Variants in TMPRSS11F observed in about 807,000 individuals in gnomAD.
The protein encoded by TMPRSS11F is transmembrane serine protease 11F, also known as transmembrane protease serine 11F.
In TMPRSS11F, 47 loss-of-function variants were observed where a neutral mutation model predicts 60.2. The observed-to-expected ratio is 0.78, with a 90% CI of 0.62 to 1.00. The LOEUF (loss-of-function observed/expected upper bound fraction) is 1.00. Ranked by LOEUF, TMPRSS11F falls within the 50% of genes least tolerant of loss-of-function variation. TMPRSS11F has a pLI of 0.00. For missense variants in TMPRSS11F, 519 were observed against 522.9 expected, an observed-to-expected ratio of 0.99 and a Z score of 0.07; for synonymous variants, 166 against 167.3, an observed-to-expected ratio of 0.99 and a Z score of 0.06.
In TMPRSS11F at chr4:68,064,184, T is replaced by C. The variant is rs137883878; in HGVS notation, c.1015+501A>G. 4.7e-3 allele frequency among the ~76,000 whole-genome samples: 709 copies of C among 150,676 alleles called. 8 individuals are homozygous for C. Among genetic ancestry groups the C allele is most frequent in the African/African-American group, 0.017 (688 of 40,452 alleles). On this transcript the variant is annotated intron_variant, in intron 8 of 9. Coordinates refer to ENST00000356291, the MANE Select transcript of TMPRSS11F (RefSeq NM_207407.2). ...GGAGATTTCTTTCTTTCTTTTCTTT[T>C]TTTTCTTTTTTTTTTTTGGAGACGG...
At chr4:68,061,587 C>T (rs573708602) in intron 8 of TMPRSS11F, among the ~76,000 whole-genome samples, 1 of 152,292 alleles carries the variant, frequency 6.6e-6, no homozygotes, top group South Asian at 2.1e-4. Context: ...TTACTAAATA[C>T]TCAGAGCAGA....
intron 3 of TMPRSS11F, among the ~76,000 whole-genome samples, chr4:68,075,817 AC>A (rs916717599): frequency 3.9e-5 from 6 of 151,932 alleles, no homozygotes; most frequent in Non-Finnish European, 8.8e-5. Context: ...ACAAGGTGAC[AC>A]CCCGTCTCTA....
rs1015675077 is a variant in TMPRSS11F at position 68,109,589 on chromosome 4, G to A, written c.12-10551C>T. Among the ~76,000 whole-genome samples the A allele has an allele frequency of 7.9e-5, 12 of 152,240 alleles. No homozygotes were observed. In the East Asian group the frequency reaches 1.7e-3, roughly 22 times the overall value. On this transcript the variant is annotated intron_variant, in intron 1 of 9. Coordinates refer to ENST00000356291, the MANE Select transcript of TMPRSS11F (RefSeq NM_207407.2). ...TGTGTCTCAAAATTTGAAATAAAGA[G>A]CCAATAGTTTATGTTGAATAAGTTT...
intron 3 of TMPRSS11F, among the ~76,000 whole-genome samples, chr4:68,084,436 C>T (rs1393749776): frequency 6.6e-6 from 1 of 152,160 alleles, no homozygotes; most frequent in Non-Finnish European, 1.5e-5. Context: ...GGTCAGGTCA[C>T]TTATAAGTGG....
intron 3 of TMPRSS11F, among the ~76,000 whole-genome samples, chr4:68,085,941 C>T (rs1723803013): frequency 6.6e-6 from 1 of 152,142 alleles, no homozygotes; most frequent in African/African-American, 2.4e-5. Context: ...GAAACATCAA[C>T]AGTCCCACTG....
chr4:68,053,834 A>G lies in TMPRSS11F; in HGVS notation c.*75T>C. ...TAGCAAAAGCACTAATCCAAAGTAAATGAATTTAAACAATACAAAATACGC... is the reference window on the plus strand; with the variant it reads ...TAGCAAAAGCACTAATCCAAAGTAAGTGAATTTAAACAATACAAAATACGC... On this transcript the variant is annotated 3_prime_UTR_variant, in exon 10 of 10. Transcript: ENST00000356291. The G allele has an allele frequency of 7.0e-7, 1 of 1,427,510 alleles. No individual in the cohort carries two copies. 88.4% of individuals were successfully genotyped at this position (1,427,510 alleles called of 1,614,324 possible).
intron 3 of TMPRSS11F, among the ~76,000 whole-genome samples, chr4:68,088,474 G>A (rs1327718289): frequency 6.6e-6 from 1 of 151,234 alleles, no homozygotes; most frequent in African/African-American, 2.4e-5. Context: ...GTCAACATTA[G>A]ACAGATCAAC....
intron 5 of TMPRSS11F, among the ~76,000 whole-genome samples, chr4:68,070,292 T>C (rs1286921557): frequency 6.7e-6 from 1 of 149,788 alleles, no homozygotes. Context: ...AAATAATAAA[T>C]AAAGATAAAT....
chr4:68,083,630 C>A (rs1398468163), intron 3 of TMPRSS11F, among the ~76,000 whole-genome samples: 1 of 151,962 alleles, frequency 6.6e-6, no homozygotes, highest in Non-Finnish European at 1.5e-5. Flanking sequence ...TCAACTTATA[C>A]AACAGCCAAA....
chr4:68,095,473 C>T (rs1401585760), intron 2 of TMPRSS11F, among the ~76,000 whole-genome samples: 1 of 152,144 alleles, frequency 6.6e-6, no homozygotes, highest in Non-Finnish European at 1.5e-5. Context: ...GAGGATAATG[C>T]TATATCCTAC....
At chr4:68,083,670 A>AAT (rs1157225044) in intron 3 of TMPRSS11F, among the ~76,000 whole-genome samples, 1 of 151,898 alleles carries the variant, frequency 6.6e-6, no homozygotes, top group African/African-American at 2.4e-5. Flanking sequence ...ATAATAATAA[A>AAT]AAAAGCCCCA....
intron 6 of TMPRSS11F, 82 bp downstream of exon 6, chr4:68,069,887 A>T (rs1204281813): frequency 8.4e-7 from 1 of 1,196,998 alleles, no homozygotes; most frequent in African/African-American, 1.5e-5. Context: ...AGCTTGGTAA[A>T]CTTTACTGCC....
chr4:68,098,911 T>A lies in TMPRSS11F; in HGVS notation c.139A>T (p.Ile47Phe), dbSNP rs1560406161. 1.2e-6 allele frequency: 2 copies of A among 1,612,412 alleles called. No homozygotes were observed. Among genetic ancestry groups the A allele is most frequent in the East Asian group, 2.2e-5 (1 of 44,780 alleles). Residue 47 changes from isoleucine to phenylalanine, a missense_variant, in exon 2 of 10, where the codon ATT becomes TTT. Ile to Phe is a conservative substitution (Grantham distance 21). Coordinates refer to ENST00000356291, the MANE Select transcript of TMPRSS11F (RefSeq NM_207407.2). ...IVAIIGIAIGIVTHFVVEDDK... is the reference protein window; with the variant it reads ...IVAIIGIAIGFVTHFVVEDDK... ...CCCTCAACAACAAAATGAGTAACAA[T>A]ACCAATTGCAATTCCTATGATTGCT... is the stretch of plus-strand genomic sequence containing the variant.
intron 7 of TMPRSS11F, among the ~76,000 whole-genome samples, chr4:68,065,606 C>G (rs1723309588): frequency 6.6e-6 from 1 of 152,152 alleles, no homozygotes; most frequent in Admixed American, 6.5e-5. Context: ...CAAATTCTAG[C>G]TAGTCCTATT....
rs145129977 is a variant in TMPRSS11F, at chr4:68,106,723, T to C, written c.12-7685A>G. On this transcript the variant is annotated intron_variant, in intron 1 of 9. Coordinates refer to ENST00000356291, the MANE Select transcript of TMPRSS11F (RefSeq NM_207407.2). The stretch of plus-strand genomic sequence containing the variant: ...TTGTGGAGTGTGGGCAGAAATTGCA[T>C]AGCATCCTGCTCCTTTATTGGAATG... 1.4e-3 allele frequency among the ~76,000 whole-genome samples: 213 copies of C among 152,316 alleles called. 2 individuals carry two copies. The highest frequency in any genetic ancestry group is 5.0e-3 in the African/African-American group (207 of 41,566).
At chr4:68,062,410 A>G in intron 8 of TMPRSS11F, 2 of 584,210 alleles carry the variant, frequency 3.4e-6, no homozygotes, top group Non-Finnish European at 6.6e-6. Flanking sequence ...TTTCCATAGA[A>G]CTTAAAGCAT....
intron 2 of TMPRSS11F, among the ~76,000 whole-genome samples, chr4:68,096,338 A>G (rs951134950): frequency 3.9e-5 from 6 of 152,210 alleles, no homozygotes; most frequent in Non-Finnish European, 7.3e-5. Context: ...TTAATCTAAA[A>G]GCCTTTTCAT....
chr4:68,129,837 C>T lies in TMPRSS11F; in HGVS notation c.-17G>A, dbSNP rs1276976266. The T allele has an allele frequency of 4.3e-6, 7 of 1,613,160 alleles. No individual in the cohort carries two copies. The highest frequency in any genetic ancestry group is 5.9e-6 in the Non-Finnish European group (7 of 1,179,316). ...GTACATCATGAACCCAGGACTGGGG[C>T]AGCTTCTATTCAGTCACCATCTGAT... is the stretch of plus-strand genomic sequence containing the variant. On this transcript the variant is annotated 5_prime_UTR_variant, in exon 1 of 10. Transcript: ENST00000356291.
At chr4:68,099,392 G>A (rs1724143413) in intron 1 of TMPRSS11F, among the ~76,000 whole-genome samples, 1 of 152,140 alleles carries the variant, frequency 6.6e-6, no homozygotes. Context: ...TTAATGGCAT[G>A]TTGTACAAGT....
Sources: allele counts gnomAD v4.1 joint callset (sites outside exome capture counted in the v4.1 genomes callset), GRCh38; gene constraint gnomAD v4.1.1; transcripts MANE v1.5; gene names NCBI Gene and HGNC (gene_info 2026-07-23, HGNC 2026-07-21).